The following AVIL variants were observed in gnomAD, a reference collection of about 807,000 sequenced individuals.
AVIL encodes the protein advillin.
In AVIL, 78 loss-of-function variants were observed where a neutral mutation model predicts 109.9. The ratio of observed to expected loss-of-function variants is 0.71; its 90% CI spans 0.59 to 0.86. The LOEUF (loss-of-function observed/expected upper bound fraction) is 0.86, where lower values mean the gene tolerates loss of function less well. Among genes scored for constraint, AVIL ranks in the 40% least tolerant of loss-of-function variants. The pLI, the probability that AVIL is intolerant of heterozygous loss-of-function variation, is 0.00. For synonymous variants in AVIL, 367 were observed against 379.1 expected, an observed-to-expected ratio of 0.97 and a Z score of 0.37; for missense variants, 892 against 1,016.5, an observed-to-expected ratio of 0.88 and a Z score of 1.67.
chr12:57,797,587 T>C lies in AVIL; in HGVS notation c.*295A>G. 1 of 925,914 alleles carries C rather than the reference T, an allele frequency of 1.1e-6. No homozygotes were observed. Among genetic ancestry groups the C allele is most frequent in the Non-Finnish European group, 1.3e-6 (1 of 770,346 alleles). The allele number at this position is 925,914 out of a possible 1,614,324, so 57.4% of individuals were successfully genotyped here. Reference sequence around the variant, plus strand: ...AGTTATTAAACATTTTAAGCATTGTTTTTTGGTTCTCTTTCTTTTGATTTC... The same window carrying C: ...AGTTATTAAACATTTTAAGCATTGTCTTTTGGTTCTCTTTCTTTTGATTTC... On this transcript the variant is annotated 3_prime_UTR_variant, in exon 20 of 20. Coordinates refer to ENST00000549994, the MANE Select transcript of AVIL (RefSeq NM_006576.4).
intron 9 of AVIL, chr12:57,809,008 C>CTT (rs753681840): frequency 8.4e-5 from 13 of 154,158 alleles, no homozygotes; most frequent in South Asian, 5.3e-4. Flanking sequence ...GTTCTGAGTG[C>CTT]TTTTTTTTTT....
At chr12:57,818,182 C>CCTTTTTTTTTTT (rs1956119834) in intron 1 of AVIL, among the ~76,000 whole-genome samples, 1 of 35,258 alleles carries the variant, frequency 2.8e-5, no homozygotes, top group Admixed American at 5.4e-4. Flanking sequence ...CCATGCTTGG[C>CCTTTTTTTTTTT]TTTTTTTTTT....
In AVIL at chr12:57,809,913, C is replaced by T. The variant is rs1339759141; in HGVS notation, c.762-23G>A. ...ATACTGGAGAAGGGGAGAGGTTAGC[C>T]TGTGCCTTTTCCTCTATAAAGCATC... On this transcript the variant is annotated intron_variant, in intron 7 of 19. Transcript: ENST00000549994. 2.5e-6 allele frequency: 4 copies of T among 1,612,004 alleles called. No individual in the cohort carries two copies. The African/African-American group carries it at 5.3e-5, about 22-fold the overall frequency.
chr12:57,801,825 C>G lies in AVIL; in HGVS notation c.2151+335G>C, dbSNP rs768925581. On this transcript the variant is annotated intron_variant, in intron 17 of 19. Coordinates refer to ENST00000549994, the MANE Select transcript of AVIL (RefSeq NM_006576.4). The stretch of plus-strand genomic sequence containing the variant: ...TGTGACTTTAGACAAATGACTTATC[C>G]TCTTAGCTTCCTTATCAATAAAATA... 5.3e-4 allele frequency among the ~76,000 whole-genome samples: 81 copies of G among 152,262 alleles called. 1 individual carries two copies. Among genetic ancestry groups the G allele is most frequent in the Middle Eastern group, 3.4e-3 (1 of 294 alleles).
At chr12:57,815,349 C>G (rs1267677864) in intron 2 of AVIL, among the ~76,000 whole-genome samples, 1 of 152,212 alleles carries the variant, frequency 6.6e-6, no homozygotes, top group Non-Finnish European at 1.5e-5. Flanking sequence ...GCTGACTCCC[C>G]CTCCTGGTTG....
At chr12:57,802,690 G>T in intron 16 of AVIL, 1 of 618,570 alleles carries the variant, frequency 1.6e-6, no homozygotes, top group Non-Finnish European at 2.9e-6. Context: ...TACTAAACTT[G>T]TATCTGAGTC....
intron 17 of AVIL, 22 bp downstream of exon 17, chr12:57,802,138 C>A: frequency 1.2e-6 from 2 of 1,611,564 alleles, no homozygotes; most frequent in Non-Finnish European, 1.7e-6. Flanking sequence ...GAAGTTAGAG[C>A]TTCCCTACTC....
chr12:57,804,807 T>C (rs919067862), intron 14 of AVIL, among the ~76,000 whole-genome samples: 2 of 147,072 alleles, frequency 1.4e-5, no homozygotes, highest in Non-Finnish European at 3.0e-5. Context: ...AGACTCTGTC[T>C]CAAAAAAAAA....
At position 57,803,847 on chromosome 12, in the gene AVIL, G is replaced by T. The variant is rs185113812; in HGVS notation, c.1672-178C>A. 6.0e-6 allele frequency: 5 copies of T among 834,578 alleles called. 1 individual carries two copies. Among genetic ancestry groups the T allele is most frequent in the Middle Eastern group, 3.7e-4 (1 of 2,678 alleles). 51.7% of individuals were successfully genotyped at this position (834,578 alleles called of 1,614,324 possible). A position where few individuals can be genotyped will look rare whatever the true frequency, so the allele number is the denominator to read the frequency against. On this transcript the variant is annotated intron_variant, in intron 14 of 19. Coordinates refer to ENST00000549994, the MANE Select transcript of AVIL (RefSeq NM_006576.4). ...GCTGGGGAGTGGGGAGGAAAACAGT[G>T]TGGGGCAAAGAACAGGACTAGGCTT...
intron 2 of AVIL, 91 bp downstream of exon 2, chr12:57,815,884 G>T (rs1956095654): frequency 1.9e-6 from 3 of 1,593,458 alleles, no homozygotes; most frequent in Middle Eastern, 2.0e-4. Context: ...AGGCTAAGGG[G>T]TGCTGGCGGG....
chr12:57,805,246 G>A lies in AVIL; in HGVS notation c.1671+1114C>T, dbSNP rs181507354. ...AATTTTTTGTATTTTTAGTAGAGGC[G>A]GGGTTTCACCATGCTGGCCGGGCTG... On this transcript the variant is annotated intron_variant, in intron 14 of 19. Coordinates refer to ENST00000549994, the MANE Select transcript of AVIL (RefSeq NM_006576.4). Among the ~76,000 whole-genome samples the A allele has an allele frequency of 3.9e-3, 597 of 151,874 alleles. 16 individuals carry two copies. The South Asian group carries it at 0.069, about 18-fold the overall frequency.
chr12:57,809,300 C>T, intron 9 of AVIL: 3 of 407,052 alleles, frequency 7.4e-6, no homozygotes, highest in Admixed American at 7.8e-5. Flanking sequence ...GCGCCCGGCC[C>T]TGAGTGCTTT....
intron 19 of AVIL, 102 bp downstream of exon 19, chr12:57,799,693 C>A: frequency 6.6e-7 from 1 of 1,509,448 alleles, no homozygotes. Flanking sequence ...GTCCATTGAG[C>A]GGCTACAATG....
At chr12:57,802,611 T>A (rs1955872985) in intron 16 of AVIL, 1 of 703,448 alleles carries the variant, frequency 1.4e-6, no homozygotes, top group Non-Finnish European at 2.6e-6. Flanking sequence ...ATCCAACTTC[T>A]TGCAGAACAC....
At position 57,802,229 on chromosome 12, in the gene AVIL, G is replaced by A; in HGVS notation, c.2082C>T (p.Ile694=). 6.2e-7 allele frequency: 1 copy of A among 1,614,170 alleles called. No homozygotes were observed. Among genetic ancestry groups the A allele is most frequent in the South Asian group, 1.1e-5 (1 of 91,070 alleles). Residue 694 remains isoleucine (I), a synonymous_variant, in exon 17 of 20, where the codon ATC becomes ATT. Transcript: ENST00000549994. ...SGRDPDTPIL[I]IKQGFEPPIF... is the part of the protein sequence containing the mutation. ...TGGGAGGCTCAAACCCCTGCTTAAT[G>A]ATCAGGATTGGTGTGTCGGGATCTC...
intron 1 of AVIL, among the ~76,000 whole-genome samples, chr12:57,817,601 G>A (rs1035423889): frequency 1.3e-5 from 2 of 152,048 alleles, no homozygotes; most frequent in Non-Finnish European, 2.9e-5. Context: ...CCAACTAGGG[G>A]AAGGGGACAA....
rs778138287 is a variant in AVIL, at chr12:57,815,576, A to G, written c.66+399T>C. 4.0e-6 allele frequency: 5 copies of G among 1,250,684 alleles called. No homozygotes were observed. The African/African-American group carries it at 6.2e-5, about 16-fold the overall frequency. 77.5% of individuals were successfully genotyped at this position (1,250,684 alleles called of 1,614,324 possible). A position where few individuals can be genotyped will look rare whatever the true frequency, so the allele number is the denominator to read the frequency against. ...CTCCTCATCTCTGCAGTGCCCCCTCACCTCTCCCCATATTTTGTAGGAGCC... is the reference window on the plus strand; with the variant it reads ...CTCCTCATCTCTGCAGTGCCCCCTCGCCTCTCCCCATATTTTGTAGGAGCC... On this transcript the variant is annotated intron_variant, in intron 2 of 19. Transcript: ENST00000549994.
rs1356548816 is a variant in AVIL at position 57,797,965 on chromosome 12, C to T, written c.2377G>A (p.Val793Met). ...AATTGCCCTCTTGTGATGCCAAACA[C>T]AGACACAAAGTCCTGTTCAGAGAGG... ...NYLSEQDFVS[V>M]FGITRGQFAA... Residue 793 changes from valine to methionine, a missense_variant, in exon 20 of 20, where the codon GTG becomes ATG. By Grantham distance (21) the Val-to-Met change is conservative. Transcript: ENST00000549994. 5.0e-6 allele frequency: 8 copies of T among 1,613,042 alleles called. No homozygotes were observed. Among genetic ancestry groups the T allele is most frequent in the Non-Finnish European group, 6.8e-6 (8 of 1,179,434 alleles).
chr12:57,812,586 T>A (rs1956051408), intron 4 of AVIL, among the ~76,000 whole-genome samples: 1 of 152,040 alleles, frequency 6.6e-6, no homozygotes, highest in Non-Finnish European at 1.5e-5. Flanking sequence ...GGTCTTGAAC[T>A]CCTGACCTCG....
Sources: gnomAD v4.1 joint callset for allele counts (sites outside exome capture counted in the v4.1 genomes callset) on GRCh38, gnomAD v4.1.1 for gene constraint, MANE v1.5 for transcripts, NCBI Gene and HGNC (gene_info 2026-07-23, HGNC 2026-07-21) for gene names.